FILIP1L: variants seen among roughly 807,000 people sequenced by gnomAD.
The protein encoded by FILIP1L is filamin A-interacting protein 1-like.
A neutral mutation model predicts 96.6 loss-of-function variants in FILIP1L; 55 were observed. The observed-to-expected ratio is 0.57, with a 90% CI of 0.46 to 0.71. The LOEUF is 0.71. FILIP1L is among the 30% of genes least tolerant of loss of function. The pLI is 0.00. For synonymous variants in FILIP1L, 467 were observed against 473.9 expected (o/e 0.99, Z 0.19); for missense variants, 1,304 against 1,321.2 (o/e 0.99, Z 0.20).
At chr3:99,913,057 C>T (rs1012673721) in intron 4 of FILIP1L, among the ~76,000 whole-genome samples, 1 of 152,144 alleles carries the variant, frequency 6.6e-6, no homozygotes, top group Admixed American at 6.5e-5. Context: ...AACTTTCTCA[C>T]CCACTTTCCA....
chr3:100,036,790 CTT>C, intron 1 of FILIP1L, among the ~76,000 whole-genome samples: 1 of 152,004 alleles, frequency 6.6e-6, no homozygotes, highest in Non-Finnish European at 1.5e-5. Flanking sequence ...GGTAGTGACA[CTT>C]TAACCAAGTG....
intron 1 of FILIP1L, among the ~76,000 whole-genome samples, chr3:99,985,680 C>T (rs1235466083): frequency 6.6e-6 from 1 of 151,974 alleles, no homozygotes; most frequent in Non-Finnish European, 1.5e-5. Context: ...CCTCCGTCTC[C>T]TGGGTTCAAG....
intron 1 of FILIP1L, among the ~76,000 whole-genome samples, chr3:100,056,295 T>A (rs1317474608): frequency 6.6e-6 from 1 of 152,184 alleles, no homozygotes; most frequent in Non-Finnish European, 1.5e-5. Context: ...AATTGACAAG[T>A]CTCCAATGCA....
intron 4 of FILIP1L, among the ~76,000 whole-genome samples, chr3:99,889,354 C>CT (rs1706011505): frequency 6.6e-6 from 1 of 151,930 alleles, no homozygotes; most frequent in African/African-American, 2.4e-5. Flanking sequence ...ATGTTTTTAA[C>CT]TTTAAGTTCA....
chr3:99,970,242 T>G (rs557482220), intron 1 of FILIP1L, among the ~76,000 whole-genome samples: 1 of 152,364 alleles, frequency 6.6e-6, no homozygotes, highest in East Asian at 1.9e-4. Context: ...AGTCATCTGA[T>G]AAGTTTTGGA....
intron 1 of FILIP1L, among the ~76,000 whole-genome samples, chr3:100,016,804 T>C (rs142716499): frequency 9.1e-4 from 139 of 152,336 alleles, no homozygotes; most frequent in African/African-American, 3.1e-3. Flanking sequence ...ATTTCCTTTA[T>C]CTCTTTTCTT....
At chr3:100,008,366 A>G (rs991834567) in intron 1 of FILIP1L, among the ~76,000 whole-genome samples, 2 of 152,204 alleles carry the variant, frequency 1.3e-5, no homozygotes, top group African/African-American at 4.8e-5. Context: ...AAAAGCAGCC[A>G]AAGTTCCCCA....
At chr3:100,013,099 A>G (rs1377239744) in intron 1 of FILIP1L, among the ~76,000 whole-genome samples, 2 of 149,756 alleles carry the variant, frequency 1.3e-5, no homozygotes, top group Non-Finnish European at 3.0e-5. Context: ...CTGATCTTGA[A>G]CTCCTGGGCT....
At chr3:99,936,760 G>A (rs1219470221) in intron 1 of FILIP1L, among the ~76,000 whole-genome samples, 1 of 151,386 alleles carries the variant, frequency 6.6e-6, no homozygotes, top group Non-Finnish European at 1.5e-5. Context: ...AGGCAGTCTG[G>A]CTCCAGAGCC....
At chr3:100,075,214 G>T (rs1323410875) in intron 1 of FILIP1L, among the ~76,000 whole-genome samples, 3 of 152,156 alleles carry the variant, frequency 2.0e-5, no homozygotes, top group African/African-American at 4.8e-5. Flanking sequence ...GTCAGCTTTT[G>T]CTAAAAGAAG....
chr3:100,063,523 T>G (rs556042703), intron 1 of FILIP1L, among the ~76,000 whole-genome samples: 2 of 152,298 alleles, frequency 1.3e-5, no homozygotes, highest in African/African-American at 4.8e-5. Flanking sequence ...TAAATCAAAT[T>G]TAAAGGCTCC....
At chr3:99,837,574 G>A (rs1942952908) in intron 5 of FILIP1L, among the ~76,000 whole-genome samples, 1 of 152,198 alleles carries the variant, frequency 6.6e-6, no homozygotes, top group South Asian at 2.1e-4. Flanking sequence ...GAGCCAACTT[G>A]ACAACTTTCC....
intron 4 of FILIP1L, among the ~76,000 whole-genome samples, chr3:99,921,014 G>T (rs948551671): frequency 6.6e-6 from 1 of 152,126 alleles, no homozygotes; most frequent in Non-Finnish European, 1.5e-5. Context: ...CTTTTACTGG[G>T]GTTATGATAT....
At chr3:99,853,656 C>T (rs1943815196) in intron 4 of FILIP1L, among the ~76,000 whole-genome samples, 1 of 152,180 alleles carries the variant, frequency 6.6e-6, no homozygotes, top group Non-Finnish European at 1.5e-5. Context: ...GCATCTTTTT[C>T]ATGGTTTTTG....
intron 1 of FILIP1L, among the ~76,000 whole-genome samples, chr3:100,013,218 T>TG (rs2107202023): frequency 8.4e-6 from 1 of 119,124 alleles, no homozygotes; most frequent in African/African-American, 3.5e-5. Flanking sequence ...AGTGAGGTGT[T>TG]GTTGTTGTTG....
At chr3:100,078,012 A>G (rs1035091948) in intron 1 of FILIP1L, among the ~76,000 whole-genome samples, 1 of 152,218 alleles carries the variant, frequency 6.6e-6, no homozygotes, top group African/African-American at 2.4e-5. Flanking sequence ...ACAGCCAGCT[A>G]AAACATTATT....
intron 4 of FILIP1L, among the ~76,000 whole-genome samples, chr3:99,903,695 A>G (rs1456867519): frequency 6.6e-6 from 1 of 152,046 alleles, no homozygotes; most frequent in Non-Finnish European, 1.5e-5. Context: ...TCTTAACAGG[A>G]CCCTACACAA....
intron 3 of FILIP1L, among the ~76,000 whole-genome samples, chr3:99,928,614 C>T (rs904042633): frequency 6.6e-6 from 1 of 152,212 alleles, no homozygotes; most frequent in Non-Finnish European, 1.5e-5. Flanking sequence ...TTTTTCCCAC[C>T]GATTTCAACA....
At chr3:100,088,891 G>GT (rs1425357813) in intron 1 of FILIP1L, among the ~76,000 whole-genome samples, 3 of 151,708 alleles carry the variant, frequency 2.0e-5, no homozygotes, top group Non-Finnish European at 2.9e-5. Flanking sequence ...GTAAATGTTT[G>GT]TTTTTTGTTA....
Sources: gnomAD v4.1 joint callset for allele counts (sites outside exome capture counted in the v4.1 genomes callset) on GRCh38, gnomAD v4.1.1 for gene constraint, MANE v1.5 for transcripts, NCBI Gene and HGNC (gene_info 2026-07-23, HGNC 2026-07-21) for gene names.